ITGA2: variants seen among roughly 807,000 people sequenced by gnomAD.
ITGA2 encodes integrin alpha-2.
ITGA2 carries 101 observed loss-of-function variants against 146.3 expected under a neutral mutation model. The ratio of observed to expected loss-of-function variants is 0.69; its 90% CI spans 0.59 to 0.81. The LOEUF is 0.81. Among genes scored for constraint, ITGA2 ranks in the 40% least tolerant of loss-of-function variants. The pLI is 0.00. For synonymous variants in ITGA2, 477 were observed against 487.1 expected (o/e 0.98, Z 0.27); for missense variants, 1,281 against 1,402.7 (o/e 0.91, Z 1.39).
chr5:53,064,887 C>T (rs1175135127), intron 13 of ITGA2, 25 bp from the exon 14 acceptor site: 1 of 1,605,652 alleles, frequency 6.2e-7, no homozygotes, highest in South Asian at 1.1e-5. Context: ...TTGCTTTAAT[C>T]ATCCTTTTGT....
Position 53,081,684 on chromosome 5 carries a change from C to T in ITGA2, c.3132C>T (p.His1044=), listed in dbSNP as rs539297675. 1 of 1,610,188 alleles carries T rather than the reference C, an allele frequency of 6.2e-7. No homozygotes were observed. Among genetic ancestry groups the T allele is most frequent in the Non-Finnish European group, 8.5e-7 (1 of 1,177,136 alleles). Reference sequence around the variant, plus strand: ...CTTTCAAAAGTGAAAATTTCAGGCACACCAAAGAATTGGTGAGGACAAGTT... The same window carrying T: ...CTTTCAAAAGTGAAAATTTCAGGCATACCAAAGAATTGGTGAGGACAAGTT... ...SVSFKSENFR[H]TKELNCRTAS... is the part of the protein sequence containing the mutation. Residue 1044 remains histidine, a synonymous_variant, in exon 26 of 30, where the codon CAC becomes CAT. Transcript: ENST00000296585.
chr5:53,062,945 T>C lies in ITGA2; in HGVS notation c.1602+16T>C. ...TATCAAAGAGGTAAAAAAAAAAAAA[T>C]AAACTAATAGTTTAATTTGCTTTAG... On this transcript the variant is annotated intron_variant, in intron 13 of 29. Coordinates refer to ENST00000296585, the MANE Select transcript of ITGA2 (RefSeq NM_002203.4). 1 of 1,499,078 alleles carries C rather than the reference T, an allele frequency of 6.7e-7. No homozygotes were observed. Among genetic ancestry groups the C allele is most frequent in the Middle Eastern group, 1.7e-4 (1 of 5,796 alleles). 92.9% of individuals were successfully genotyped at this position (1,499,078 alleles called of 1,614,324 possible).
At chr5:53,063,372 A>G (rs1193513313) in intron 13 of ITGA2, among the ~76,000 whole-genome samples, 1 of 151,916 alleles carries the variant, frequency 6.6e-6, no homozygotes, top group African/African-American at 2.4e-5. Flanking sequence ...GTGATCTCAG[A>G]TGCTTCCTAC....
At chr5:53,080,643 A>G in intron 25 of ITGA2, 22 bp downstream of exon 25, 1 of 1,510,736 alleles carries the variant, frequency 6.6e-7, no homozygotes, top group South Asian at 1.1e-5. Context: ...AAAATTGCCT[A>G]AAAATGTGTA....
At chr5:53,043,571 T>C (rs975194886) in intron 3 of ITGA2, among the ~76,000 whole-genome samples, 1 of 151,872 alleles carries the variant, frequency 6.6e-6, no homozygotes, top group Non-Finnish European at 1.5e-5. Context: ...GTGTCAGTAG[T>C]GAATGTACAA....
chr5:53,010,613 G>C (rs765869608), intron 1 of ITGA2, among the ~76,000 whole-genome samples: 6 of 152,126 alleles, frequency 3.9e-5, no homozygotes, highest in Non-Finnish European at 8.8e-5. Flanking sequence ...TGGGACTTTT[G>C]AGCTGACAAT....
chr5:53,036,382 C>G (rs988856961), intron 2 of ITGA2, among the ~76,000 whole-genome samples: 1 of 152,132 alleles, frequency 6.6e-6, no homozygotes, highest in Non-Finnish European at 1.5e-5. Flanking sequence ...TTCTATTAAT[C>G]ATTACGTACA....
intron 14 of ITGA2, among the ~76,000 whole-genome samples, chr5:53,065,573 C>A (rs558045456): frequency 8.2e-4 from 125 of 151,922 alleles, no homozygotes; most frequent in Admixed American, 1.3e-3. Flanking sequence ...GAACTTGCAT[C>A]AATTTGCTCC....
chr5:53,006,160 C>T (rs1201128308), intron 1 of ITGA2, among the ~76,000 whole-genome samples: 7 of 152,082 alleles, frequency 4.6e-5, no homozygotes, highest in African/African-American at 1.7e-4. Context: ...ACCACCATGG[C>T]ACACGTTTAC....
chr5:53,032,954 C>G (rs1242631701), intron 2 of ITGA2, among the ~76,000 whole-genome samples: 8 of 152,044 alleles, frequency 5.3e-5, no homozygotes, highest in Non-Finnish European at 1.2e-4. Context: ...GTTATGAGCA[C>G]CTTGTGTGAG....
At chr5:53,053,908 T>G (rs867417331) in intron 7 of ITGA2, among the ~76,000 whole-genome samples, 5 of 152,150 alleles carry the variant, frequency 3.3e-5, no homozygotes, top group Non-Finnish European at 2.9e-5. Flanking sequence ...CTGCGGGTAA[T>G]TAAAACTAAA....
chr5:53,051,399 CCT>C lies in ITGA2; in HGVS notation c.631-9_631-8del. The C allele has an allele frequency of 6.2e-7, 1 of 1,612,198 alleles. No homozygotes were observed. Among genetic ancestry groups the C allele is most frequent in the Non-Finnish European group, 8.5e-7 (1 of 1,178,586 alleles). On this transcript the variant is annotated splice_polypyrimidine_tract_variant and intron_variant, in intron 6 of 29. Transcript: ENST00000296585. ...AATGACAGCCCATTAATAAATGTCT[CCT>C]CTGTTGAAGGTGGGGTTAATTCAGT...
rs1380909903 is a variant in ITGA2 at position 53,072,065 on chromosome 5, C to T, written c.2346+17C>T. The T allele has an allele frequency of 9.1e-6, 14 of 1,539,126 alleles. No individual in the cohort carries two copies. Among genetic ancestry groups the T allele is most frequent in the African/African-American group, 1.4e-5 (1 of 73,412 alleles). Reference sequence around the variant, plus strand: ...GTCTTCAGTGTAAGTGCAGCTTACACTTCCTGGATTTAGACTGGCAAATAA... The same window carrying T: ...GTCTTCAGTGTAAGTGCAGCTTACATTTCCTGGATTTAGACTGGCAAATAA... On this transcript the variant is annotated intron_variant, in intron 18 of 29. Transcript: ENST00000296585.
At chr5:53,065,136 G>T in intron 14 of ITGA2, 21 bp downstream of exon 14, 2 of 1,606,260 alleles carry the variant, frequency 1.2e-6, no homozygotes, top group South Asian at 2.2e-5. Flanking sequence ...AGCTGTTATG[G>T]TGATGTATGT....
At chr5:53,080,359 C>G (rs1481036537) in intron 24 of ITGA2, 152 bp from the exon 25 acceptor site, 3 of 710,822 alleles carry the variant, frequency 4.2e-6, no homozygotes, top group Non-Finnish European at 7.6e-6. Flanking sequence ...GACACAGAGA[C>G]CTGAAGTGTG....
chr5:53,062,879 A>T lies in ITGA2; in HGVS notation c.1552A>T (p.Ser518Cys), dbSNP rs758550222. The T allele has an allele frequency of 6.2e-7, 1 of 1,611,388 alleles. No individual in the cohort carries two copies. Among genetic ancestry groups the T allele is most frequent in the Non-Finnish European group, 8.5e-7 (1 of 1,178,142 alleles). The change falls in exon 13 of 30, where the codon AGT (serine) becomes TGT (cysteine). Residue 518 changes from serine to cysteine, a missense_variant. By Grantham distance (112) the Ser-to-Cys change is moderately radical (BLOSUM62 -1). Around this residue, in one of 3 missense-constraint regions of ITGA2, gnomAD observed 795 missense variants for 841.7 expected, o/e 0.94. Coordinates refer to ENST00000296585, the MANE Select transcript of ITGA2 (RefSeq NM_002203.4). ...CTTGGTAGGTGCACCAATGTACATG[A>T]GTGACCTAAAGAAAGAGGAAGGAAG... The part of the protein sequence containing the change: ...VLLVGAPMYM[S>C]DLKKEEGRVY...
chr5:53,032,196 A>C (rs1343157109), intron 2 of ITGA2, among the ~76,000 whole-genome samples: 1 of 152,192 alleles, frequency 6.6e-6, no homozygotes, highest in Admixed American at 6.5e-5. Flanking sequence ...CCTATATATG[A>C]GCTTATAGTT....
At chr5:53,034,621 A>G (rs185402821) in intron 2 of ITGA2, among the ~76,000 whole-genome samples, 3 of 152,264 alleles carry the variant, frequency 2.0e-5, no homozygotes, top group Admixed American at 2.0e-4. Context: ...TGCCTCACCA[A>G]CAAGTCTTAT....
chr5:53,046,530 T>A (rs1744097121), intron 4 of ITGA2, among the ~76,000 whole-genome samples: 2 of 151,844 alleles, frequency 1.3e-5, no homozygotes, highest in African/African-American at 4.8e-5. Context: ...GATTTTAAAG[T>A]TGCAAAAATT....
Sources: gnomAD v4.1 joint callset for allele counts (sites outside exome capture counted in the v4.1 genomes callset) on GRCh38, gnomAD v4.1.1 for gene constraint, gnomAD v4.1.1 regional missense constraint, MANE v1.5 for transcripts, NCBI Gene and HGNC (gene_info 2026-07-23, HGNC 2026-07-21) for gene names.